Variants in ADGRE3 observed in about 807,000 individuals in gnomAD.
ADGRE3 encodes EGF-like module receptor 3.
A neutral mutation model predicts 80.1 loss-of-function variants in ADGRE3; 88 were observed. The observed-to-expected ratio is 1.10, with a 90% CI of 0.93 to 1.31. The LOEUF (loss-of-function observed/expected upper bound fraction) is 1.31, where lower values mean the gene tolerates loss of function less well. Among genes scored for constraint, ADGRE3 ranks in the 40% most tolerant of loss-of-function variants. The pLI, the probability that ADGRE3 is intolerant of heterozygous loss-of-function variation, is 0.00. For synonymous variants in ADGRE3, 281 were observed against 294.8 expected (o/e 0.95, Z 0.48); for missense variants, 715 against 776.5 (o/e 0.92, Z 0.94).
chr19:14,666,407 C>T (rs1478223280), intron 2 of ADGRE3, among the ~76,000 whole-genome samples: 9 of 150,068 alleles, frequency 6.0e-5, no homozygotes, highest in East Asian at 2.0e-4. Flanking sequence ...GACAGAGTCT[C>T]GCTCTGTCGC....
intron 5 of ADGRE3, among the ~76,000 whole-genome samples, chr19:14,657,575 T>G (rs925779284): frequency 6.6e-6 from 1 of 151,740 alleles, no homozygotes; most frequent in Non-Finnish European, 1.5e-5. Flanking sequence ...TATAAGTAGA[T>G]ACAGATACAG....
At chr19:14,636,130 CTTTCTTT>C (rs1971065022) in intron 11 of ADGRE3, among the ~76,000 whole-genome samples, 1 of 78,416 alleles carries the variant, frequency 1.3e-5, no homozygotes, top group African/African-American at 4.4e-5. Flanking sequence ...TTCTTTCTTT[CTTTCTTT>C]CTTTCTTTCT....
downstream of ADGRE3, among the ~76,000 whole-genome samples, chr19:14,615,446 A>T (rs2075069918): frequency 6.6e-6 from 1 of 151,940 alleles, no homozygotes; most frequent in African/African-American, 2.4e-5. Flanking sequence ...TTTTAAAATT[A>T]AAAAAAATTT....
At chr19:14,601,676 T>G in the ADGRE3 span, among the ~76,000 whole-genome samples, 2 of 152,132 alleles carry the variant, frequency 1.3e-5, no homozygotes, top group African/African-American at 2.4e-5. Context: ...TGGAGTGCAG[T>G]GGTATAATCA....
At position 14,630,209 on chromosome 19, in the gene ADGRE3, T is replaced by C. The variant is rs754697523; in HGVS notation, c.1644-2A>G. On this transcript the variant is annotated splice_acceptor_variant, in intron 13 of 15. Transcript: ENST00000253673. LOFTEE classifies it high-confidence loss of function. ...GCTGTTGCTTTGAAAGCCAGCATCC[T>C]GGGAGGAGGAAGTCAGAGATTAGGA... 8.8e-6 allele frequency: 14 copies of C among 1,597,510 alleles called. No individual in the cohort carries two copies. In the South Asian group the frequency reaches 1.6e-4, roughly 18 times the overall value.
At position 14,638,327 on chromosome 19, in the gene ADGRE3, A is replaced by T. The variant is rs903478203; in HGVS notation, c.1262T>A (p.Ile421Asn). 2 of 1,614,036 alleles carry T rather than the reference A, an allele frequency of 1.2e-6. No homozygotes were observed. Among genetic ancestry groups the T allele is most frequent in the Admixed American group, 3.3e-5 (2 of 60,006 alleles). Residue 421 changes from isoleucine (I) to asparagine (N), a missense_variant, in exon 11 of 16, where the codon ATC becomes AAC. Ile to Asn is a moderately radical substitution (Grantham distance 149, BLOSUM62 -3). Coordinates refer to ENST00000253673, the MANE Select transcript of ADGRE3 (RefSeq NM_032571.5). Reference protein sequence around the residue: ...DRTEPKVLCSIIAGALHYLYL... With the variant: ...DRTEPKVLCSNIAGALHYLYL... Reference sequence around the variant, plus strand: ...GAGATAGTGCAAAGCACCGGCGATGATGGAGCACAGCACCTGGGGGAGGAG... The same window carrying T: ...GAGATAGTGCAAAGCACCGGCGATGTTGGAGCACAGCACCTGGGGGAGGAG...
At chr19:14,607,690 C>T in the ADGRE3 span, among the ~76,000 whole-genome samples, 35 of 151,848 alleles carry the variant, frequency 2.3e-4, no homozygotes, top group Admixed American at 1.3e-3. Context: ...GATTCTTCCA[C>T]CTTAGTCTCC....
Position 14,630,101 on chromosome 19 carries a change from T to A in ADGRE3, c.1750A>T (p.Thr584Ser), listed in dbSNP as rs1218395914. Residue 584 changes from threonine to serine, a missense_variant, in exon 14 of 16, where the codon ACC becomes TCC. Coordinates refer to ENST00000253673, the MANE Select transcript of ADGRE3 (RefSeq NM_032571.5). ...AAGCCTTGGAGGCTGTTGATGATGGTGAAGAGGTAGGCCATGACCTGGGCA... is the reference window on the plus strand; with the variant it reads ...AAGCCTTGGAGGCTGTTGATGATGGAGAAGAGGTAGGCCATGACCTGGGCA... ...PAAQVMAYLF[T>S]IINSLQGFFI... 1 of 1,612,420 alleles carries A rather than the reference T, an allele frequency of 6.2e-7. No homozygotes were observed.
chr19:14,651,060 T>G, intron 7 of ADGRE3, 25 bp downstream of exon 7: 1 of 1,613,660 alleles, frequency 6.2e-7, no homozygotes, highest in Non-Finnish European at 8.5e-7. Context: ...GTGTGAAGGA[T>G]TCTGAATGCA....
In ADGRE3 at chr19:14,623,388, T is replaced by C. The variant is rs1353522283; in HGVS notation, c.1920+2104A>G. On this transcript the variant is annotated intron_variant, in intron 15 of 15. Transcript: ENST00000253673. ...TTGGGATTACAGGTGTGAGCCACCA[T>C]GCCCAGCCTCTTTTTAGATGTCTAT... 2.0e-5 allele frequency among the ~76,000 whole-genome samples: 3 copies of C among 152,240 alleles called. No homozygotes were observed. The East Asian group carries it at 5.8e-4, about 29-fold the overall frequency.
chr19:14,618,931 G>A (rs578017519), downstream of ADGRE3, among the ~76,000 whole-genome samples: 52 of 150,672 alleles, frequency 3.5e-4, no homozygotes, highest in South Asian at 0.011. Context: ...GAGGGAATGA[G>A]TGAGTTTAAA....
chr19:14,613,736 A>G, the ADGRE3 span, among the ~76,000 whole-genome samples: 4 of 152,202 alleles, frequency 2.6e-5, no homozygotes, highest in Non-Finnish European at 5.9e-5. Context: ...CCCAGGCTGG[A>G]GTACAGTGGC....
At chr19:14,661,894 C>T in intron 4 of ADGRE3, 69 bp downstream of exon 4, 5 of 1,551,100 alleles carry the variant, frequency 3.2e-6, no homozygotes, top group East Asian at 4.5e-5. Context: ...CAAAACAAAA[C>T]AAAACAAAAC....
At chr19:14,600,234 C>T in the ADGRE3 span, 5 of 1,595,954 alleles carry the variant, frequency 3.1e-6, no homozygotes, top group Non-Finnish European at 4.3e-6. Context: ...GCCTGCTTCT[C>T]TTCCAGGATG....
intron 15 of ADGRE3, among the ~76,000 whole-genome samples, chr19:14,620,568 A>AGATATATTTTTTTTTTTT (rs1970570927): frequency 9.0e-5 from 1 of 11,060 alleles, no homozygotes; most frequent in Non-Finnish European, 1.5e-4. Context: ...ATATATATAT[A>AGATATATTTTTTTTTTTT]TTTTTTTTTT....
chr19:14,620,536 T>TA lies in ADGRE3; in HGVS notation c.1921-1066_1921-1065insT, dbSNP rs1568471365. Among the ~76,000 whole-genome samples, 64 of 37,260 alleles carry TA rather than the reference T, an allele frequency of 1.7e-3. 6 individuals carry two copies. The highest frequency in any genetic ancestry group is 6.5e-3 in the African/African-American group (44 of 6,754). The allele number at this position is 37,260 out of a possible 152,430, so 24.4% of individuals were successfully genotyped here. A position where few individuals can be genotyped will look rare whatever the true frequency, so the allele number is the denominator to read the frequency against. ...TATGACTATATATGAATATATATAT[T>TA]TTATATATATATTATATATATATAT... is the stretch of plus-strand genomic sequence containing the variant. On this transcript the variant is annotated intron_variant, in intron 15 of 15. Coordinates refer to ENST00000253673, the MANE Select transcript of ADGRE3 (RefSeq NM_032571.5).
chr19:14,640,756 A>T (rs1368587084), intron 10 of ADGRE3, among the ~76,000 whole-genome samples: 2 of 152,186 alleles, frequency 1.3e-5, no homozygotes, highest in Non-Finnish European at 2.9e-5. Context: ...AATTTGAATC[A>T]TGGGGGCGGT....
At chr19:14,634,934 G>A (rs1314219146) in intron 11 of ADGRE3, among the ~76,000 whole-genome samples, 1 of 151,882 alleles carries the variant, frequency 6.6e-6, no homozygotes, top group African/African-American at 2.4e-5. Context: ...TCTGATATAC[G>A]ATCCAGACCA....
chr19:14,616,410 A>C (rs1049431449), downstream of ADGRE3, among the ~76,000 whole-genome samples: 2 of 152,020 alleles, frequency 1.3e-5, no homozygotes, highest in Non-Finnish European at 2.9e-5. Flanking sequence ...TGTCATCATC[A>C]AAGATGAGTT....
Sources: allele counts gnomAD v4.1 joint callset (sites outside exome capture counted in the v4.1 genomes callset), GRCh38; gene constraint gnomAD v4.1.1; transcripts MANE v1.5; gene names NCBI Gene and HGNC (gene_info 2026-07-23, HGNC 2026-07-21).